Variants in TTC7B observed in about 807,000 individuals in gnomAD.
TTC7B encodes the protein tetratricopeptide repeat domain 7B.
Under a neutral mutation model 106.8 loss-of-function variants are expected in TTC7B, and 28 were observed. That is an observed-to-expected ratio of 0.26 (90% confidence interval 0.19 to 0.36). The LOEUF is 0.36. TTC7B is among the 10% of genes least tolerant of loss of function. The pLI is 1.00. For synonymous variants in TTC7B, 405 were observed against 430.6 expected (o/e 0.94, Z 0.74); for missense variants, 862 against 1,076.4 (o/e 0.80, Z 2.79).
intron 5 of TTC7B, among the ~76,000 whole-genome samples, chr14:90,700,798 A>G (rs770593877): frequency 6.7e-6 from 1 of 150,336 alleles, no homozygotes; most frequent in Non-Finnish European, 1.5e-5. Context: ...TTCTAGGTCC[A>G]TCACTTTTAG....
At chr14:90,718,293 AG>A (rs1210497775) in intron 5 of TTC7B, among the ~76,000 whole-genome samples, 1 of 152,246 alleles carries the variant, frequency 6.6e-6, no homozygotes, top group African/African-American at 2.4e-5. Context: ...CCTCGGAAGG[AG>A]GCCTACAAGA....
At chr14:90,740,736 A>C (rs562220457) in intron 4 of TTC7B, among the ~76,000 whole-genome samples, 67 of 152,138 alleles carry the variant, frequency 4.4e-4, no homozygotes, top group Non-Finnish European at 7.2e-4. Flanking sequence ...TCCTGACATC[A>C]GGTGATCCGC....
At chr14:90,564,112 C>T (rs1890692438) in intron 19 of TTC7B, among the ~76,000 whole-genome samples, 1 of 151,770 alleles carries the variant, frequency 6.6e-6, no homozygotes, top group South Asian at 2.1e-4. Context: ...TTTCAGTTTA[C>T]TTTGCCCAGA....
At chr14:90,650,397 G>A (rs1198682802) in intron 13 of TTC7B, among the ~76,000 whole-genome samples, 2 of 152,158 alleles carry the variant, frequency 1.3e-5, no homozygotes, top group African/African-American at 4.8e-5. Flanking sequence ...CTCACACAGG[G>A]TGACCAACTT....
intron 1 of TTC7B, among the ~76,000 whole-genome samples, chr14:90,811,706 C>T (rs544134344): frequency 2.0e-5 from 3 of 152,318 alleles, no homozygotes; most frequent in South Asian, 2.1e-4. Context: ...CCCGTCACCA[C>T]GAGGTAATTA....
chr14:90,729,967 T>C (rs949606927), intron 5 of TTC7B, 108 bp downstream of exon 5: 7 of 1,215,642 alleles, frequency 5.8e-6, no homozygotes, highest in African/African-American at 1.6e-5. Flanking sequence ...CCAATGGTAG[T>C]TCATATTTAA....
At chr14:90,698,650 C>T (rs142890704) in intron 5 of TTC7B, 2 of 152,866 alleles carry the variant, frequency 1.3e-5, no homozygotes, top group Non-Finnish European at 2.9e-5. Context: ...GGTTCATCTC[C>T]TGCACTTTAC....
Position 90,567,088 on chromosome 14 carries a change from G to A in TTC7B, c.2310+11018C>T, listed in dbSNP as rs149102962. ...GGGCCAGGGCCCAGAGCAGGCATCCGTGGATCTGTGCAGGGGAGAGAGGCC... is the reference window on the plus strand; with the variant it reads ...GGGCCAGGGCCCAGAGCAGGCATCCATGGATCTGTGCAGGGGAGAGAGGCC... On this transcript the variant is annotated intron_variant, in intron 19 of 19. Transcript: ENST00000328459. Among the ~76,000 whole-genome samples the A allele has an allele frequency of 6.4e-3, 980 of 152,314 alleles. 2 individuals carry two copies. The highest frequency in any genetic ancestry group is 9.2e-3 in the Non-Finnish European group (626 of 68,028).
intron 9 of TTC7B, among the ~76,000 whole-genome samples, chr14:90,664,388 G>C (rs1011200466): frequency 6.6e-6 from 1 of 152,166 alleles, no homozygotes; most frequent in African/African-American, 2.4e-5. Flanking sequence ...GCCTGCCTCA[G>C]CCTCCGGAGT....
intron 15 of TTC7B, among the ~76,000 whole-genome samples, chr14:90,637,930 C>T (rs527441938): frequency 3.5e-4 from 54 of 152,330 alleles, no homozygotes; most frequent in Admixed American, 1.9e-3. Context: ...CAGGGCCTCG[C>T]TCTGTTGCCC....
Position 90,534,022 on chromosome 14 carries a change from G to C in TTC7B, c.*7346C>G, listed in dbSNP as rs1889351852. The C allele has an allele frequency of 6.6e-6, 1 of 152,304 alleles. No homozygotes were observed. Among genetic ancestry groups the C allele is most frequent in the Non-Finnish European group, 1.5e-5 (1 of 68,098 alleles). 9.4% of individuals were successfully genotyped at this position (152,304 alleles called of 1,614,324 possible). A position where few individuals can be genotyped will look rare whatever the true frequency, so the allele number is the denominator to read the frequency against. ...ACATCTCAGCCCAGAAGGCAGGCTG[G>C]GCAGAGGTGACTGTCCTCATCTGAT... On this transcript the variant is annotated 3_prime_UTR_variant, in exon 20 of 20. Coordinates refer to ENST00000328459, the MANE Select transcript of TTC7B (RefSeq NM_001010854.2).
intron 6 of TTC7B, among the ~76,000 whole-genome samples, chr14:90,692,087 T>A (rs1357946923): frequency 2.0e-5 from 3 of 152,252 alleles, no homozygotes; most frequent in Non-Finnish European, 4.4e-5. Flanking sequence ...ATTGCATCGA[T>A]AAACCACATG....
chr14:90,709,804 T>C (rs974087960), intron 5 of TTC7B, among the ~76,000 whole-genome samples: 6 of 152,046 alleles, frequency 3.9e-5, no homozygotes, highest in African/African-American at 1.4e-4. Flanking sequence ...GGCATAAGTC[T>C]AGCATAATAT....
intron 2 of TTC7B, among the ~76,000 whole-genome samples, chr14:90,782,996 C>T (rs1317666767): frequency 1.3e-5 from 2 of 151,788 alleles, no homozygotes; most frequent in Non-Finnish European, 2.9e-5. Flanking sequence ...GTGGAGAAAA[C>T]GCTTGAAGAA....
At chr14:90,630,861 G>T (rs1343311891) in intron 15 of TTC7B, among the ~76,000 whole-genome samples, 1 of 143,350 alleles carries the variant, frequency 7.0e-6, no homozygotes, top group African/African-American at 2.5e-5. Context: ...TTGAGATGGA[G>T]TCTCACTCTA....
chr14:90,751,252 T>C (rs1205639130), intron 3 of TTC7B, among the ~76,000 whole-genome samples: 2 of 152,218 alleles, frequency 1.3e-5, no homozygotes, highest in Non-Finnish European at 2.9e-5. Context: ...CTGTAAAGCA[T>C]GAGTGCTAAA....
chr14:90,691,553 A>G (rs1342207491), intron 6 of TTC7B, among the ~76,000 whole-genome samples: 1 of 152,228 alleles, frequency 6.6e-6, no homozygotes, highest in Admixed American at 6.5e-5. Context: ...CTGTAGTTTA[A>G]ATGCATCCAA....
At position 90,715,374 on chromosome 14, in the gene TTC7B, C is replaced by T. The variant is rs144583613; in HGVS notation, c.698+14701G>A. 1.9e-3 allele frequency among the ~76,000 whole-genome samples: 293 copies of T among 152,270 alleles called. 3 individuals carry two copies. Among genetic ancestry groups the T allele is most frequent in the African/African-American group, 6.6e-3 (276 of 41,548 alleles). ...AGGAGAAGACCCAGAACTACGCTGC[C>T]ACTGGTGCTGCCACCTTCTCAGATT... is the stretch of plus-strand genomic sequence containing the variant. On this transcript the variant is annotated intron_variant, in intron 5 of 19. Coordinates refer to ENST00000328459, the MANE Select transcript of TTC7B (RefSeq NM_001010854.2).
At chr14:90,589,382 T>C (rs776566395) in intron 18 of TTC7B, among the ~76,000 whole-genome samples, 22 of 152,230 alleles carry the variant, frequency 1.4e-4, no homozygotes, top group Non-Finnish European at 2.8e-4. Context: ...CATCCTCCTG[T>C]GTATTTTAAA....
Sources: allele counts gnomAD v4.1 joint callset (sites outside exome capture counted in the v4.1 genomes callset), GRCh38; gene constraint gnomAD v4.1.1; transcripts MANE v1.5; gene names NCBI Gene and HGNC (gene_info 2026-07-23, HGNC 2026-07-21).